SPTLC3: variants seen among roughly 807,000 people sequenced by gnomAD.
SPTLC3 encodes the protein serine palmitoyltransferase 3.
Under a neutral mutation model 59.3 loss-of-function variants are expected in SPTLC3, and 36 were observed. That is an observed-to-expected ratio of 0.61 (90% CI 0.47 to 0.80). The LOEUF (loss-of-function observed/expected upper bound fraction) is 0.80. Among genes scored for constraint, SPTLC3 ranks in the 30% least tolerant of loss-of-function variants. The pLI is 0.00. For synonymous variants in SPTLC3, 257 were observed against 240.8 expected, an observed-to-expected ratio of 1.07 and a Z score of -0.62; for missense variants, 625 against 685.1, an observed-to-expected ratio of 0.91 and a Z score of 0.98.
chr20:13,049,009 A>G lies in SPTLC3; in HGVS notation c.182A>G (p.His61Arg). 6.2e-7 allele frequency: 1 copy of G among 1,610,096 alleles called. No homozygotes were observed. The highest frequency in any genetic ancestry group is 1.1e-5 in the South Asian group (1 of 90,124). ...IVESFEEAPL[H>R]VMVFTYMGYG... ...GAATCGTTTGAGGAAGCACCCCTTC[A>G]TGTTATGGTTTTCACTTACATGGGA... is the stretch of plus-strand genomic sequence containing the variant. Residue 61 changes from histidine (H) to arginine (R), a missense_variant, in exon 2 of 12, where the codon CAT becomes CGT. Coordinates refer to ENST00000399002, the MANE Select transcript of SPTLC3 (RefSeq NM_018327.4).
intron 1 of SPTLC3, among the ~76,000 whole-genome samples, chr20:13,033,088 C>T (rs1340950911): frequency 1.3e-5 from 2 of 152,092 alleles, no homozygotes; most frequent in Non-Finnish European, 2.9e-5. Flanking sequence ...TTCCTCAGAC[C>T]TTGATTTGAA....
chr20:13,094,606 C>G (rs1989347842), intron 6 of SPTLC3, among the ~76,000 whole-genome samples: 1 of 152,168 alleles, frequency 6.6e-6, no homozygotes, highest in Non-Finnish European at 1.5e-5. Flanking sequence ...TGTTTCAATT[C>G]TGTTCTGCCC....
intron 9 of SPTLC3, among the ~76,000 whole-genome samples, chr20:13,138,628 A>G (rs1286704551): frequency 6.6e-6 from 1 of 152,188 alleles, no homozygotes; most frequent in Non-Finnish European, 1.5e-5. Context: ...CCATTTATAA[A>G]CAATTAGAAT....
intron 11 of SPTLC3, among the ~76,000 whole-genome samples, chr20:13,162,608 T>G (rs1171030738): frequency 6.6e-6 from 1 of 152,176 alleles, no homozygotes; most frequent in Non-Finnish European, 1.5e-5. Flanking sequence ...CGACCACATT[T>G]GGACAAGACA....
intron 2 of SPTLC3, among the ~76,000 whole-genome samples, chr20:13,054,009 T>C (rs1194308613): frequency 1.4e-4 from 21 of 152,184 alleles, no homozygotes; most frequent in Non-Finnish European, 5.9e-5. Flanking sequence ...TGATTTGGTG[T>C]TTAATGAAAA....
intron 6 of SPTLC3, among the ~76,000 whole-genome samples, chr20:13,096,124 C>A (rs560749614): frequency 6.6e-6 from 1 of 152,158 alleles, no homozygotes; most frequent in South Asian, 2.1e-4. Flanking sequence ...ATGACAACAC[C>A]AAATGTTAGC....
intron 1 of SPTLC3, among the ~76,000 whole-genome samples, chr20:13,048,535 G>A (rs890377845): frequency 2.0e-5 from 3 of 152,106 alleles, no homozygotes; most frequent in Admixed American, 6.5e-5. Context: ...TATTTCATAG[G>A]TTTGCTGTGT....
intron 6 of SPTLC3, among the ~76,000 whole-genome samples, chr20:13,102,159 G>A (rs1030491168): frequency 6.6e-6 from 1 of 152,146 alleles, no homozygotes; most frequent in African/African-American, 2.4e-5. Context: ...TAAGTAAAAA[G>A]TTAAACCCGT....
intron 9 of SPTLC3, among the ~76,000 whole-genome samples, chr20:13,151,464 A>C (rs570157990): frequency 1.3e-5 from 2 of 152,248 alleles, no homozygotes; most frequent in Non-Finnish European, 2.9e-5. Context: ...AAGAACAATA[A>C]GCCGGATGCT....
intron 7 of SPTLC3, among the ~76,000 whole-genome samples, chr20:13,112,764 A>G (rs1011852744): frequency 3.9e-5 from 6 of 152,206 alleles, no homozygotes; most frequent in African/African-American, 9.6e-5. Flanking sequence ...ACAAGCCTCA[A>G]TCGCTCTTGG....
chr20:13,154,431 G>A (rs917905939), intron 10 of SPTLC3, among the ~76,000 whole-genome samples: 2 of 152,100 alleles, frequency 1.3e-5, no homozygotes, highest in African/African-American at 4.8e-5. Flanking sequence ...ACAATCCTGA[G>A]CCTCCTTCTG....
chr20:13,075,801 A>G (rs1176453022), intron 4 of SPTLC3, among the ~76,000 whole-genome samples: 1 of 152,152 alleles, frequency 6.6e-6, no homozygotes, highest in Non-Finnish European at 1.5e-5. Context: ...GTTGTTAATG[A>G]CCAGCCAGAA....
chr20:13,159,155 A>T (rs2038839140), intron 10 of SPTLC3, among the ~76,000 whole-genome samples: 3 of 152,202 alleles, frequency 2.0e-5, no homozygotes, highest in Admixed American at 1.3e-4. Flanking sequence ...TGTTACAGAG[A>T]TTAGCTCTGG....
rs3848775 is a variant in SPTLC3, at chr20:13,084,628, C to T, written c.608-6455C>T. On this transcript the variant is annotated intron_variant, in intron 4 of 11. Transcript: ENST00000399002. ...AGATAAGGTTTAAAATATTTCAGTA[C>T]GTTAGGTTGGCACATTGTTAAGCAG... 8.3e-4 allele frequency among the ~76,000 whole-genome samples: 127 copies of T among 152,186 alleles called. 2 individuals are homozygous for T. Among genetic ancestry groups the T allele is most frequent in the Admixed American group, 1.5e-3 (23 of 15,292 alleles).
chr20:13,011,401 A>T (rs1447510465), intron 1 of SPTLC3, among the ~76,000 whole-genome samples: 3 of 152,090 alleles, frequency 2.0e-5, no homozygotes, highest in African/African-American at 4.8e-5. Context: ...AGCATCTAAG[A>T]TCCTACCAGC....
Position 13,164,805 on chromosome 20 carries a change from C to A in SPTLC3, c.1597C>A (p.Arg533=). The change falls in exon 12 of 12, where the codon CGG becomes AGG. Residue 533 remains arginine (R), a synonymous_variant. Coordinates refer to ENST00000399002, the MANE Select transcript of SPTLC3 (RefSeq NM_018327.4). The part of the protein sequence containing the change: ...MGDLLQLKYS[R]HKKSARPELY... ...TGATCTCTTGCAACTGAAATATTCC[C>A]GGCACAAGAAGTCAGCACGTCCTGA... The A allele has an allele frequency of 6.2e-7, 1 of 1,613,770 alleles. No individual in the cohort carries two copies. Among genetic ancestry groups the A allele is most frequent in the African/African-American group, 1.3e-5 (1 of 75,028 alleles).
At chr20:13,091,312 C>G in intron 5 of SPTLC3, 105 bp downstream of exon 5, 4 of 1,412,546 alleles carry the variant, frequency 2.8e-6, no homozygotes, top group Non-Finnish European at 3.8e-6. Flanking sequence ...CGGTGGTTCA[C>G]GCCTGTAATC....
intron 11 of SPTLC3, among the ~76,000 whole-genome samples, chr20:13,163,205 T>C (rs544157008): frequency 6.6e-6 from 1 of 151,698 alleles, no homozygotes; most frequent in Non-Finnish European, 1.5e-5. Flanking sequence ...CCATCTCTAC[T>C]AAAAATACAA....
intron 9 of SPTLC3, among the ~76,000 whole-genome samples, chr20:13,131,194 A>T (rs1160475691): frequency 6.6e-6 from 1 of 152,218 alleles, no homozygotes. Flanking sequence ...ATATTTTTCA[A>T]GTAATCAATC....
Sources: gnomAD v4.1 joint callset for allele counts (sites outside exome capture counted in the v4.1 genomes callset) on GRCh38, gnomAD v4.1.1 for gene constraint, MANE v1.5 for transcripts, NCBI Gene and HGNC (gene_info 2026-07-23, HGNC 2026-07-21) for gene names.